CAGE1: variants seen among roughly 807,000 people sequenced by gnomAD.
The protein encoded by CAGE1 is cancer antigen 1, also known as cancer-associated gene 1 protein.
In CAGE1, 66 loss-of-function variants were observed where a neutral mutation model predicts 94.9. The observed-to-expected ratio is 0.70, with a 90% confidence interval of 0.57 to 0.85. The LOEUF (loss-of-function observed/expected upper bound fraction) is 0.85, where lower values mean the gene tolerates loss of function less well. CAGE1 is among the 40% of genes least tolerant of loss of function. CAGE1 has a pLI of 0.00. For synonymous variants in CAGE1, 319 were observed against 321.0 expected, an observed-to-expected ratio of 0.99 and a Z score of 0.07; for missense variants, 865 against 950.4, an observed-to-expected ratio of 0.91 and a Z score of 1.18.
At chr6:7,369,377 T>TC (rs36058274) in intron 6 of CAGE1, among the ~76,000 whole-genome samples, 53,895 of 151,964 alleles carry the variant, frequency 0.35, 9,751 homozygotes, top group Admixed American at 0.42. Flanking sequence ...AAGCATCATT[T>TC]CCCCATCTTA....
chr6:7,352,290 C>CAAAAAAAAAAAAAAAAAAAA (rs77426667), intron 11 of CAGE1, among the ~76,000 whole-genome samples: 1 of 43,630 alleles, frequency 2.3e-5, no homozygotes, highest in African/African-American at 5.9e-5. Context: ...ACAATAGCTG[C>CAAAAAAAAAAAAAAAAAAAA]AAAAAAAAAA....
Position 7,378,712 on chromosome 6 carries a change from C to CA in CAGE1, c.591dup (p.Gly198TrpfsTer13). ...TTTTCTGTAAATTTCAGCATCTCTCCACTGCAGTGGATTAGAGGCGGGCTT... is the reference window on the plus strand; with the variant it reads ...TTTTCTGTAAATTTCAGCATCTCTCCAACTGCAGTGGATTAGAGGCGGGCTT... On this transcript the variant is annotated frameshift_variant, in exon 4 of 14. Coordinates refer to ENST00000502583, the MANE Select transcript of CAGE1 (RefSeq NM_001170692.2). LOFTEE classifies it high-confidence loss of function. 1 of 1,613,864 alleles carries CA rather than the reference C, an allele frequency of 6.2e-7. No individual in the cohort carries two copies. The highest frequency in any genetic ancestry group is 8.5e-7 in the Non-Finnish European group (1 of 1,179,860).
intron 11 of CAGE1, chr6:7,341,324 C>T (rs1036452587): frequency 7.3e-6 from 5 of 687,560 alleles, no homozygotes; most frequent in Admixed American, 1.9e-5. Flanking sequence ...TGCCAAAATC[C>T]TTACTGGTGT....
In CAGE1 at chr6:7,369,937, C is replaced by T. The variant is rs1040415596; in HGVS notation, c.1875G>A (p.Val625=). The T allele has an allele frequency of 2.5e-6, 4 of 1,612,066 alleles. No individual in the cohort carries two copies. Among genetic ancestry groups the T allele is most frequent in the Non-Finnish European group, 3.4e-6 (4 of 1,179,392 alleles). The change falls in exon 6 of 14, where the codon GTG becomes GTA. Residue 625 remains valine (V), a synonymous_variant. Transcript: ENST00000502583. ...TTATTACCTGGCATGTGAGAAGTCCCACCATCAGAGCCAGAAGACTGTGCA... is the reference window on the plus strand; with the variant it reads ...TTATTACCTGGCATGTGAGAAGTCCTACCATCAGAGCCAGAAGACTGTGCA... ...SKMHSLLALM[V]GLLTCQDIIN...
chr6:7,345,959 C>T (rs894859443), intron 11 of CAGE1, among the ~76,000 whole-genome samples: 10 of 152,070 alleles, frequency 6.6e-5, no homozygotes, highest in African/African-American at 2.4e-4. Context: ...CCTATGAATG[C>T]ATTTGAAGAA....
chr6:7,328,935 T>TATA lies in CAGE1; in HGVS notation c.2478+913_2478+914insTAT, dbSNP rs1491191781. 5.7e-4 allele frequency among the ~76,000 whole-genome samples: 60 copies of TATA among 104,692 alleles called. 2 individuals are homozygous for TATA. In the East Asian group the frequency reaches 8.3e-3, roughly 14 times the overall value. The allele number at this position is 104,692 out of a possible 152,430, so 68.7% of individuals were successfully genotyped here. Reference sequence around the variant, plus strand: ...GTGTGTGTGTATATATATATATATATTTTTTTTTTTTTTTGAGATAGAGTC... The same window carrying TATA: ...GTGTGTGTGTATATATATATATATATATATTTTTTTTTTTTTTGAGATAGAGTC... On this transcript the variant is annotated intron_variant, in intron 13 of 13. Coordinates refer to ENST00000502583, the MANE Select transcript of CAGE1 (RefSeq NM_001170692.2).
chr6:7,381,847 C>CA (rs1554139981), intron 3 of CAGE1, among the ~76,000 whole-genome samples: 1 of 139,214 alleles, frequency 7.2e-6, no homozygotes, highest in Non-Finnish European at 1.6e-5. Context: ...GTGCCTTTTT[C>CA]TTTTTTTTTT....
At chr6:7,345,497 T>C (rs937856117) in intron 11 of CAGE1, among the ~76,000 whole-genome samples, 2 of 152,220 alleles carry the variant, frequency 1.3e-5, no homozygotes, top group Admixed American at 6.5e-5. Context: ...ACTCACATTA[T>C]ATTTCAGCAA....
At chr6:7,330,796 T>G (rs1758722090) in intron 12 of CAGE1, among the ~76,000 whole-genome samples, 1 of 152,218 alleles carries the variant, frequency 6.6e-6, no homozygotes, top group Non-Finnish European at 1.5e-5. Context: ...CTTCTGCCCA[T>G]CTCACCCCCT....
chr6:7,389,733 A>C lies in CAGE1; in HGVS notation c.-555T>G, dbSNP rs976845654. ...CACAGCCCTATACAGCGCGCCATCC[A>C]GAGAGCTCCGGACTCCCAGCTCGGC... On this transcript the variant is annotated 5_prime_UTR_variant, in exon 1 of 14. Coordinates refer to ENST00000502583, the MANE Select transcript of CAGE1 (RefSeq NM_001170692.2). 1 of 563,492 alleles carries C rather than the reference A, an allele frequency of 1.8e-6. No homozygotes were observed. The allele number at this position is 563,492 out of a possible 1,614,324, so 34.9% of individuals were successfully genotyped here.
In CAGE1 at chr6:7,346,446, G is replaced by A. The variant is rs577036744; in HGVS notation, c.2369+8595C>T. 2.6e-5 allele frequency among the ~76,000 whole-genome samples: 4 copies of A among 152,280 alleles called. No individual in the cohort carries two copies. The South Asian group carries it at 8.3e-4, about 32-fold the overall frequency. ...TGCCTGTAGTCCCAGCTACTTGGGA[G>A]GCTGAGGTGGGAGGATCATTTGAGC... On this transcript the variant is annotated intron_variant, in intron 11 of 13. Coordinates refer to ENST00000502583, the MANE Select transcript of CAGE1 (RefSeq NM_001170692.2).
intron 11 of CAGE1, among the ~76,000 whole-genome samples, chr6:7,344,813 A>G (rs1242192020): frequency 6.6e-6 from 1 of 152,216 alleles, no homozygotes; most frequent in Non-Finnish European, 1.5e-5. Flanking sequence ...GGGTTTGTGA[A>G]TGCACCAATC....
Position 7,373,497 on chromosome 6 carries a change from A to C in CAGE1, c.1322T>G (p.Met441Arg). ...KNKSVSQYLE[M>R]DKTLSKKEEE... ...TTCTTTCTTGCTTAAGGTTTTGTCC[A>C]TCTCTAAATACTGACTTACAGATTT... The change falls in exon 5 of 14, where the codon ATG (methionine) becomes AGG (arginine). Residue 441 changes from methionine to arginine, a missense_variant. Met to Arg is a moderately conservative substitution (Grantham distance 91, BLOSUM62 -1). Coordinates refer to ENST00000502583, the MANE Select transcript of CAGE1 (RefSeq NM_001170692.2). 2 of 1,613,848 alleles carry C rather than the reference A, an allele frequency of 1.2e-6. No homozygotes were observed. Among genetic ancestry groups the C allele is most frequent in the Non-Finnish European group, 1.7e-6 (2 of 1,179,850 alleles).
At chr6:7,358,031 T>TAGATAG (rs1379368966) in intron 9 of CAGE1, among the ~76,000 whole-genome samples, 2 of 19,580 alleles carry the variant, frequency 1.0e-4, no homozygotes, top group Non-Finnish European at 2.0e-4. Context: ...TTTTGAGATA[T>TAGATAG]ATATATATAT....
intron 11 of CAGE1, among the ~76,000 whole-genome samples, chr6:7,346,680 C>T (rs920839700): frequency 1.4e-5 from 2 of 147,386 alleles, no homozygotes; most frequent in Admixed American, 1.3e-4. Flanking sequence ...AACCCTGTCT[C>T]TACTGAAAAA....
chr6:7,350,808 C>T (rs1244545155), intron 11 of CAGE1, among the ~76,000 whole-genome samples: 1 of 151,988 alleles, frequency 6.6e-6, no homozygotes, highest in Non-Finnish European at 1.5e-5. Context: ...ATCAAAAAGA[C>T]GGAAAGAGCA....
Position 7,370,011 on chromosome 6 carries a change from T to G in CAGE1, c.1801A>C (p.Arg601=), listed in dbSNP as rs1487396758. Residue 601 remains arginine, a synonymous_variant, in exon 6 of 14, where the codon AGG becomes CGG. Transcript: ENST00000502583. The stretch of plus-strand genomic sequence containing the variant: ...CTTTTTATATCTGCAGGATTCAGCC[T>G]CTCTTCACAAGGTGAGCAATCCGGG... ...LLPDCSPCEE[R]LNPADIKRAS... is the part of the protein sequence containing the mutation. The G allele has an allele frequency of 6.2e-7, 1 of 1,613,748 alleles. No individual in the cohort carries two copies. The highest frequency in any genetic ancestry group is 1.3e-5 in the African/African-American group (1 of 75,030).
rs977677921 is a variant in CAGE1, at chr6:7,370,166, C to T, written c.1747-101G>A. 5.6e-5 allele frequency: 42 copies of T among 748,096 alleles called. No homozygotes were observed. The African/African-American group carries it at 6.5e-4, about 12-fold the overall frequency. 46.3% of individuals were successfully genotyped at this position (748,096 alleles called of 1,614,324 possible). ...AAATGGCACTCTTAAAAACCTTGGG[C>T]GACAGTTCTCAAACTTTTTCATCTT... On this transcript the variant is annotated intron_variant, in intron 5 of 13. Transcript: ENST00000502583.
Position 7,339,502 on chromosome 6 carries a change from C to T in CAGE1, c.2370-5412G>A. 1.2e-6 allele frequency: 1 copy of T among 829,096 alleles called. No homozygotes were observed. Among genetic ancestry groups the T allele is most frequent in the Non-Finnish European group, 2.2e-6 (1 of 463,904 alleles). The allele number at this position is 829,096 out of a possible 1,614,324, so 51.4% of individuals were successfully genotyped here. A position where few individuals can be genotyped will look rare whatever the true frequency, so the allele number is the denominator to read the frequency against. On this transcript the variant is annotated intron_variant, in intron 11 of 13. Transcript: ENST00000502583. The surrounding 1 kb of genome is among the most constrained non-coding windows in gnomAD (Gnocchi z 4.7). ...TCAGCCAGCTCCTGAGTAAGAAACT[C>T]ATTCATTTCAGCTTAGAAGATGCCA...
Sources: gnomAD v4.1 joint callset for allele counts (sites outside exome capture counted in the v4.1 genomes callset) on GRCh38, gnomAD v4.1.1 for gene constraint, Gnocchi (gnomAD v3.1) non-coding constraint, MANE v1.5 for transcripts, NCBI Gene and HGNC (gene_info 2026-07-23, HGNC 2026-07-21) for gene names.